ABCA12: variants seen among roughly 807,000 people sequenced by gnomAD.
The protein encoded by ABCA12 is glucosylceramide transporter ABCA12.
In ABCA12, 156 loss-of-function variants were observed where a neutral mutation model predicts 293.5. That is an observed-to-expected ratio of 0.53 (90% CI 0.47 to 0.61). The LOEUF (loss-of-function observed/expected upper bound fraction) is 0.61. ABCA12 is among the 20% of genes least tolerant of loss of function. The probability of loss-of-function intolerance (pLI) is 0.00; values close to 1 mark genes in which losing one functional copy is unlikely to be tolerated. For synonymous variants in ABCA12, 1,063 were observed against 1,108.0 expected (o/e 0.96, Z 0.81); for missense variants, 2,797 against 3,090.2 (o/e 0.91, Z 2.25).
rs530272883 is a variant in ABCA12, at chr2:215,098,602, G to C, written c.163+12995C>G. Among the ~76,000 whole-genome samples the C allele has an allele frequency of 6.6e-5, 10 of 152,328 alleles. No homozygotes were observed. In the South Asian group the frequency reaches 2.1e-3, roughly 32 times the overall value. On this transcript the variant is annotated intron_variant, in intron 2 of 52. Coordinates refer to ENST00000272895, the MANE Select transcript of ABCA12 (RefSeq NM_173076.3). ...ACAAATATTTGTTGGGTGACTAAGT[G>C]CCAAGCAATATTCCAGAGAGTAATT...
intron 30 of ABCA12, 83 bp downstream of exon 30, chr2:214,982,104 A>C: frequency 2.2e-5 from 31 of 1,433,556 alleles, no homozygotes; most frequent in Non-Finnish European, 3.0e-5. Flanking sequence ...GAGCCACTGC[A>C]CCCAGCCTCA....
chr2:215,106,748 CAAAA>C (rs34394993), intron 2 of ABCA12, among the ~76,000 whole-genome samples: 10 of 101,560 alleles, frequency 9.8e-5, no homozygotes, highest in Admixed American at 1.1e-4. Context: ...GCTTTGGAGG[CAAAA>C]AAAAAAAAAA....
chr2:215,014,789 G>A (rs112218079), intron 15 of ABCA12, among the ~76,000 whole-genome samples: 18 of 152,106 alleles, frequency 1.2e-4, no homozygotes, highest in Admixed American at 2.6e-4. Flanking sequence ...ATTTCCTTTT[G>A]GTTGTGTTTA....
At position 215,010,427 on chromosome 2, in the gene ABCA12, G is replaced by A. The variant is rs768481269; in HGVS notation, c.2376C>T (p.Pro792=). 17 of 1,613,608 alleles carry A rather than the reference G, an allele frequency of 1.1e-5. No homozygotes were observed. The highest frequency in any genetic ancestry group is 3.3e-5 in the Admixed American group (2 of 59,994). ...FSLYKDIINM[P]AGPVIWAFLK... ...AGAAAGCCCAAATCACAGGTCCAGC[G>A]GGCATGTTAATGATGTCTTTATAAA... The change falls in exon 18 of 53, where the codon CCC becomes CCT. Residue 792 remains proline, a synonymous_variant. Coordinates refer to ENST00000272895, the MANE Select transcript of ABCA12 (RefSeq NM_173076.3).
intron 11 of ABCA12, among the ~76,000 whole-genome samples, chr2:215,024,117 A>T (rs1339818449): frequency 6.6e-6 from 1 of 152,196 alleles, no homozygotes; most frequent in Admixed American, 6.5e-5. Context: ...ACCTAATTCT[A>T]TGCAGCCTTC....
chr2:215,069,179 A>T (rs2106079704), intron 2 of ABCA12, among the ~76,000 whole-genome samples: 1 of 111,508 alleles, frequency 9.0e-6, no homozygotes, highest in Middle Eastern at 4.1e-3. Context: ...TGGAAGGAAA[A>T]TTCTGACTTT....
At chr2:215,075,592 AC>A in intron 2 of ABCA12, 1 of 697,034 alleles carries the variant, frequency 1.4e-6, no homozygotes, top group Non-Finnish European at 2.6e-6. Context: ...TCCATCCATC[AC>A]AAGTGTTCCA....
chr2:215,011,736 T>G (rs996563972), intron 16 of ABCA12, 87 bp from the exon 17 acceptor site: 16 of 1,282,810 alleles, frequency 1.2e-5, no homozygotes, highest in Middle Eastern at 3.7e-4. Context: ...CTGATAATAC[T>G]TAGAGTATCC....
At chr2:215,063,971 T>G in intron 3 of ABCA12, 95 bp downstream of exon 3, 3 of 1,519,354 alleles carry the variant, frequency 2.0e-6, no homozygotes, top group Non-Finnish European at 2.7e-6. Context: ...AAAACAAAAT[T>G]GCATATCTAA....
At chr2:214,984,856 C>T (rs1699753438) in intron 28 of ABCA12, among the ~76,000 whole-genome samples, 1 of 152,186 alleles carries the variant, frequency 6.6e-6, no homozygotes, top group African/African-American at 2.4e-5. Context: ...TTCCCGCATG[C>T]TCTTTGGTCA....
chr2:214,977,880 C>CTTTT (rs55902726), intron 33 of ABCA12, among the ~76,000 whole-genome samples: 2 of 140,262 alleles, frequency 1.4e-5, no homozygotes. Context: ...CTTTTTTTTC[C>CTTTT]TTTTTTTTTT....
At chr2:215,110,395 C>T (rs1468010502) in intron 2 of ABCA12, among the ~76,000 whole-genome samples, 2 of 152,128 alleles carry the variant, frequency 1.3e-5, no homozygotes, top group African/African-American at 2.4e-5. Context: ...CCTGTAGTCC[C>T]ACCTACTCAG....
chr2:214,986,105 T>C (rs759818341), intron 28 of ABCA12, among the ~76,000 whole-genome samples: 2 of 152,190 alleles, frequency 1.3e-5, no homozygotes, highest in Non-Finnish European at 2.9e-5. Flanking sequence ...CATACTTATA[T>C]ATATGCCAGG....
chr2:214,990,041 CA>C (rs1287419182), intron 24 of ABCA12, among the ~76,000 whole-genome samples: 1 of 152,042 alleles, frequency 6.6e-6, no homozygotes, highest in African/African-American at 2.4e-5. Flanking sequence ...ACTAAAATAT[CA>C]GTTGATTGAA....
chr2:215,057,637 C>A (rs1188822045), intron 3 of ABCA12, among the ~76,000 whole-genome samples: 12 of 151,976 alleles, frequency 7.9e-5, no homozygotes, highest in Admixed American at 7.9e-4. Flanking sequence ...GTAGTGTTTA[C>A]CAATTTCCCC....
rs546052661 is a variant in ABCA12, at chr2:215,061,240, T to A, written c.317+2826A>T. On this transcript the variant is annotated intron_variant, in intron 3 of 52. Coordinates refer to ENST00000272895, the MANE Select transcript of ABCA12 (RefSeq NM_173076.3). ...CTGAGTACAGTGTTGGATTTTTTTT[T>A]AAACATCTCATCCTGAAGCTAATGC... 2.0e-4 allele frequency among the ~76,000 whole-genome samples: 30 copies of A among 152,184 alleles called. No homozygotes were observed. In the South Asian group the frequency reaches 5.8e-3, roughly 29 times the overall value.
chr2:214,979,893 A>G (rs986655497), intron 31 of ABCA12, among the ~76,000 whole-genome samples: 13 of 152,216 alleles, frequency 8.5e-5, no homozygotes, highest in Admixed American at 6.5e-4. Flanking sequence ...CATCTTGCAC[A>G]GTATTTTTAA....
At chr2:215,025,284 TA>T (rs1700713471) in intron 11 of ABCA12, 2 of 178,782 alleles carry the variant, frequency 1.1e-5, no homozygotes, top group Non-Finnish European at 2.4e-5. Flanking sequence ...TACCATTATA[TA>T]ACATCAAACT....
intron 36 of ABCA12, 58 bp downstream of exon 36, chr2:214,973,891 G>T: frequency 7.1e-7 from 1 of 1,413,762 alleles, no homozygotes; most frequent in Non-Finnish European, 1.0e-6. Context: ...GATCTTTCGA[G>T]CTTTCGATAT....
Sources: allele counts gnomAD v4.1 joint callset (sites outside exome capture counted in the v4.1 genomes callset), GRCh38; gene constraint gnomAD v4.1.1; transcripts MANE v1.5; gene names NCBI Gene and HGNC (gene_info 2026-07-23, HGNC 2026-07-21).